GPC3: variants seen among roughly 807,000 people sequenced by gnomAD.
GPC3 encodes glypican-3.
Under a neutral mutation model 34.4 loss-of-function variants are expected in GPC3, and 3 were observed. That is an observed-to-expected ratio of 0.09 (90% CI 0.04 to 0.23). The LOEUF (loss-of-function observed/expected upper bound fraction) is 0.23, where lower values mean the gene tolerates loss of function less well. GPC3 is among the 10% of genes least tolerant of loss of function. The pLI, the probability that GPC3 is intolerant of heterozygous loss-of-function variation, is 1.00. For missense variants in GPC3, 351 were observed against 445.6 expected (o/e 0.79, Z 1.91); for synonymous variants, 177 against 174.0 (o/e 1.02, Z -0.13).
chrX:133,757,168 T>C (rs916855255), intron 2 of GPC3, among the ~76,000 whole-genome samples: 1 of 112,036 alleles, frequency 8.9e-6, no homozygotes, highest in African/African-American at 3.2e-5. Flanking sequence ...TAGAAAATAT[T>C]CTAATTTTTT....
intron 2 of GPC3, among the ~76,000 whole-genome samples, chrX:133,794,212 G>C (rs1171003995): frequency 2.7e-5 from 3 of 112,041 alleles, no homozygotes; most frequent in Non-Finnish European, 5.6e-5. Flanking sequence ...GTGGACACCA[G>C]TAAGCAATGC....
intron 2 of GPC3, among the ~76,000 whole-genome samples, chrX:133,921,294 C>T (rs1424438502): frequency 9.0e-6 from 1 of 111,462 alleles, no homozygotes; most frequent in African/African-American, 3.3e-5. Context: ...CAATCAGGTC[C>T]TTGCTGGCTG....
chrX:133,761,123 G>A (rs1196905222), intron 2 of GPC3, among the ~76,000 whole-genome samples: 1 of 111,049 alleles, frequency 9.0e-6, no homozygotes, highest in Non-Finnish European at 1.9e-5. Context: ...TACAATAGAT[G>A]CCATATGGCA....
intron 2 of GPC3, among the ~76,000 whole-genome samples, chrX:133,895,219 C>T (rs2076106132): frequency 8.9e-6 from 1 of 111,760 alleles, no homozygotes; most frequent in African/African-American, 3.3e-5. Context: ...TTGGAGTAGC[C>T]TATTCTCTCT....
At chrX:133,758,911 G>A (rs970822907) in intron 2 of GPC3, among the ~76,000 whole-genome samples, 29 of 110,636 alleles carry the variant, frequency 2.6e-4, no homozygotes, top group African/African-American at 8.9e-4. Flanking sequence ...GATAAAGAAC[G>A]TCCACAAAAA....
rs1481919457 is a variant in GPC3 at position 133,666,735 on chromosome X, T to A, written c.1293-4885A>T. Among the ~76,000 whole-genome samples, 6 of 112,208 alleles carry A rather than the reference T, an allele frequency of 5.3e-5. No homozygotes were observed. The Admixed American group carries it at 5.7e-4, about 11-fold the overall frequency. ...TAGGGCAAAGTAGATCTGTATGTGT[T>A]GATATGGAATCAAGTACGAGATACA... On this transcript the variant is annotated intron_variant, in intron 5 of 7. Coordinates refer to ENST00000370818, the MANE Select transcript of GPC3 (RefSeq NM_004484.4).
chrX:133,922,786 A>C (rs2076255978), intron 2 of GPC3, among the ~76,000 whole-genome samples: 1 of 110,245 alleles, frequency 9.1e-6, no homozygotes, highest in Middle Eastern at 4.2e-3. Context: ...AAAAACAAAA[A>C]CAAAAACAAA....
chrX:133,563,537 T>C (rs951990239), intron 7 of GPC3, among the ~76,000 whole-genome samples: 6 of 112,330 alleles, frequency 5.3e-5, no homozygotes, highest in African/African-American at 1.9e-4. Flanking sequence ...TTATAGATAA[T>C]AGCTAAATCT....
intron 2 of GPC3, among the ~76,000 whole-genome samples, chrX:133,851,067 C>T (rs1404907836): frequency 3.6e-5 from 4 of 111,739 alleles, no homozygotes; most frequent in Non-Finnish European, 7.5e-5. Context: ...CGTGCCACTG[C>T]ACTTCAGCCT....
At chrX:133,827,944 CAAAAAAAAAA>C (rs760699432) in intron 2 of GPC3, among the ~76,000 whole-genome samples, 6 of 36,045 alleles carry the variant, frequency 1.7e-4, no homozygotes, top group African/African-American at 4.9e-4. Flanking sequence ...AACTCCATCC[CAAAAAAAAAA>C]AAAAAAAAAA....
intron 2 of GPC3, among the ~76,000 whole-genome samples, chrX:133,810,174 T>C (rs1302416480): frequency 8.9e-6 from 1 of 112,424 alleles, no homozygotes; most frequent in Non-Finnish European, 1.9e-5. Context: ...GGAGAAACTG[T>C]ACTCCATTGT....
intron 5 of GPC3, among the ~76,000 whole-genome samples, chrX:133,664,424 A>G (rs1338264552): frequency 8.9e-6 from 1 of 112,384 alleles, no homozygotes; most frequent in African/African-American, 3.2e-5. Context: ...TTTTTAAAGC[A>G]CAATCAAACT....
chrX:133,977,114 C>G (rs2076519816), intron 1 of GPC3, among the ~76,000 whole-genome samples: 1 of 110,899 alleles, frequency 9.0e-6, no homozygotes, highest in South Asian at 3.8e-4. Flanking sequence ...CAGGATCTCA[C>G]TGGACAGTGG....
intron 2 of GPC3, among the ~76,000 whole-genome samples, chrX:133,897,863 C>A (rs1156243755): frequency 9.0e-6 from 1 of 111,710 alleles, no homozygotes; most frequent in Non-Finnish European, 1.9e-5. Context: ...CCATTTGTAA[C>A]CGATGAGTAT....
At chrX:133,570,307 G>T (rs1293401724) in intron 7 of GPC3, among the ~76,000 whole-genome samples, 1 of 110,386 alleles carries the variant, frequency 9.1e-6, no homozygotes, top group African/African-American at 3.3e-5. Context: ...GTTCAAGCGA[G>T]TCTCCTGCCT....
intron 3 of GPC3, among the ~76,000 whole-genome samples, chrX:133,717,410 A>G: frequency 9.0e-6 from 1 of 111,619 alleles, no homozygotes; most frequent in Non-Finnish European, 1.9e-5. Context: ...CCACAAGCAG[A>G]CAGCCCGGTA....
chrX:133,735,871 G>T (rs1006707473), intron 3 of GPC3, among the ~76,000 whole-genome samples: 2 of 109,252 alleles, frequency 1.8e-5, no homozygotes, highest in Non-Finnish European at 3.8e-5. Context: ...ACTGAGGTGG[G>T]AGGATTGCTT....
chrX:133,654,086 C>T (rs2070627671), intron 6 of GPC3, among the ~76,000 whole-genome samples: 1 of 111,204 alleles, frequency 9.0e-6, no homozygotes, highest in Non-Finnish European at 1.9e-5. Context: ...GCGAAAAGTA[C>T]CTTAAATGAA....
intron 2 of GPC3, among the ~76,000 whole-genome samples, chrX:133,793,136 G>C (rs765460273): frequency 9.0e-6 from 1 of 111,310 alleles, no homozygotes; most frequent in East Asian, 2.8e-4. Flanking sequence ...TTGCTTATTT[G>C]CTGCTCCAAG....
Sources: allele counts gnomAD v4.1 joint callset (sites outside exome capture counted in the v4.1 genomes callset), GRCh38; gene constraint gnomAD v4.1.1; transcripts MANE v1.5; gene names NCBI Gene and HGNC (gene_info 2026-07-23, HGNC 2026-07-21).